Variants in MAPK10 observed in about 807,000 individuals in gnomAD.
The protein encoded by MAPK10 is JNK3 alpha protein kinase.
A neutral mutation model predicts 59.3 loss-of-function variants in MAPK10; 25 were observed. The observed-to-expected ratio is 0.42, with a 90% CI of 0.31 to 0.59. MAPK10 has a LOEUF of 0.59. MAPK10 is among the 20% of genes least tolerant of loss of function. The pLI is 0.15. For synonymous variants in MAPK10, 190 were observed against 200.5 expected, an observed-to-expected ratio of 0.95 and a Z score of 0.44; for missense variants, 351 against 568.9, an observed-to-expected ratio of 0.62 and a Z score of 3.90.
intron 1 of MAPK10, among the ~76,000 whole-genome samples, chr4:86,506,195 T>G (rs1427499555): frequency 6.6e-6 from 1 of 151,958 alleles, no homozygotes; most frequent in African/African-American, 2.4e-5. Context: ...AAGGGAAAAA[T>G]TAATTCTGAA....
At chr4:86,178,682 A>T (rs1179384313) in intron 3 of MAPK10, among the ~76,000 whole-genome samples, 1 of 152,158 alleles carries the variant, frequency 6.6e-6, no homozygotes, top group Non-Finnish European at 1.5e-5. Flanking sequence ...GAACTGGTCA[A>T]AGCAATTAGA....
intron 2 of MAPK10, among the ~76,000 whole-genome samples, chr4:86,343,564 C>A (rs7674849): frequency 0.72 from 109,691 of 152,064 alleles, 40,353 homozygotes; most frequent in South Asian, 0.9. Context: ...ACAACAGATA[C>A]TTTTTAGGAG....
At chr4:86,307,380 C>T (rs960473935) in intron 2 of MAPK10, among the ~76,000 whole-genome samples, 1 of 152,090 alleles carries the variant, frequency 6.6e-6, no homozygotes, top group Non-Finnish European at 1.5e-5. Context: ...TTACAAGGAA[C>T]TCATACATGT....
chr4:86,498,830 C>T (rs900300760), intron 1 of MAPK10, among the ~76,000 whole-genome samples: 2 of 152,058 alleles, frequency 1.3e-5, no homozygotes, highest in African/African-American at 2.4e-5. Context: ...TCCTTCAGAC[C>T]CTTGTTTATC....
At chr4:86,485,097 T>C (rs544876242) in intron 1 of MAPK10, among the ~76,000 whole-genome samples, 10 of 152,294 alleles carry the variant, frequency 6.6e-5, no homozygotes, top group Middle Eastern at 3.4e-3. Flanking sequence ...AAGAGGACTT[T>C]CTGGTTTTTG....
Position 86,367,998 on chromosome 4 carries a change from A to G in MAPK10, c.-121-13354T>C, listed in dbSNP as rs62307456. On this transcript the variant is annotated intron_variant, in intron 1 of 13. Coordinates refer to the MAPK10 transcript ENST00000361569. ...AAAACTATTAAAATTTCTCAATATT[A>G]CTTCTCAAATGCAGTTTTTAATTAA... Among the ~76,000 whole-genome samples the G allele has an allele frequency of 6.8e-3, 1,043 of 152,300 alleles. 2 individuals are homozygous for G. The highest frequency in any genetic ancestry group is 0.01 in the Non-Finnish European group (708 of 68,024).
chr4:86,388,585 A>C (rs1215931178), intron 1 of MAPK10, among the ~76,000 whole-genome samples: 1 of 152,140 alleles, frequency 6.6e-6, no homozygotes, highest in Non-Finnish European at 1.5e-5. Flanking sequence ...AGAAATCCTG[A>C]CCACTGGCTT....
At chr4:86,215,997 G>T (rs781464394) in intron 2 of MAPK10, among the ~76,000 whole-genome samples, 2 of 152,022 alleles carry the variant, frequency 1.3e-5, no homozygotes, top group Non-Finnish European at 2.9e-5. Flanking sequence ...GGAGAGATAT[G>T]AACCCTTGTG....
intron 3 of MAPK10, among the ~76,000 whole-genome samples, chr4:86,190,176 G>A (rs574421384): frequency 1.3e-5 from 2 of 152,182 alleles, no homozygotes; most frequent in East Asian, 3.9e-4. Context: ...TTTTTACATT[G>A]ATGTTCATCA....
intron 4 of MAPK10, among the ~76,000 whole-genome samples, chr4:86,150,968 G>A (rs2066300569): frequency 6.6e-6 from 1 of 152,074 alleles, no homozygotes. Context: ...AGAGAAAGAG[G>A]GGTTGTTTGA....
chr4:86,434,611 T>C (rs1748461407), intron 1 of MAPK10, among the ~76,000 whole-genome samples: 1 of 152,034 alleles, frequency 6.6e-6, no homozygotes, highest in Non-Finnish European at 1.5e-5. Context: ...CTCACACCAG[T>C]TAAAAGGCTT....
intron 12 of MAPK10, among the ~76,000 whole-genome samples, chr4:86,030,246 A>C (rs892666723): frequency 2.6e-5 from 4 of 152,038 alleles, no homozygotes; most frequent in Non-Finnish European, 4.4e-5. Flanking sequence ...TCATTTTTCC[A>C]TATTCACCAA....
At chr4:86,346,332 C>T (rs1728171879) in intron 2 of MAPK10, among the ~76,000 whole-genome samples, 1 of 152,164 alleles carries the variant, frequency 6.6e-6, no homozygotes, top group South Asian at 2.1e-4. Flanking sequence ...ATATAATTTA[C>T]ACACATCCTC....
At chr4:86,109,578 T>A (rs1430239306) in intron 4 of MAPK10, among the ~76,000 whole-genome samples, 2 of 152,246 alleles carry the variant, frequency 1.3e-5, no homozygotes, top group Non-Finnish European at 2.9e-5. Flanking sequence ...TTCCTTTTTA[T>A]GACTGCATAG....
intron 1 of MAPK10, among the ~76,000 whole-genome samples, chr4:86,413,394 A>G (rs1252785859): frequency 2.0e-5 from 3 of 152,130 alleles, no homozygotes; most frequent in Non-Finnish European, 2.9e-5. Context: ...AGTCTGTCCA[A>G]TCTTGGTGCT....
At chr4:86,289,660 T>C (rs973368512) in intron 2 of MAPK10, among the ~76,000 whole-genome samples, 1 of 150,208 alleles carries the variant, frequency 6.7e-6, no homozygotes, top group Admixed American at 6.7e-5. Context: ...TATGTTATAA[T>C]GCATTTTATA....
chr4:86,214,511 TAA>T (rs70948783), intron 2 of MAPK10, among the ~76,000 whole-genome samples: 162 of 75,940 alleles, frequency 2.1e-3, no homozygotes, highest in East Asian at 7.8e-3. Context: ...TAAGATTCCT[TAA>T]AAAAAAAAAA....
chr4:86,199,770 A>G (rs2082201353), intron 2 of MAPK10, among the ~76,000 whole-genome samples: 1 of 152,052 alleles, frequency 6.6e-6, no homozygotes. Context: ...AGGTCAAGTG[A>G]CACAAGGAAT....
At position 86,011,815 on chromosome 4, in the gene MAPK10, GCTTT is replaced by G. The variant is rs1741455970; in HGVS notation, c.*5409_*5412del. The G allele has an allele frequency of 6.6e-6, 1 of 152,028 alleles. No individual in the cohort carries two copies. The highest frequency in any genetic ancestry group is 1.5e-5 in the Non-Finnish European group (1 of 68,002). The allele number at this position is 152,028 out of a possible 1,614,324, so 9.4% of individuals were successfully genotyped here. Reference sequence around the variant, plus strand: ...AATAATGTGTATGTTTATCTTCCAGGCTTTCTAATAGTTAATTGGTTAAATAAAA... The same window carrying G: ...AATAATGTGTATGTTTATCTTCCAGGCTAATAGTTAATTGGTTAAATAAAA... On this transcript the variant is annotated 3_prime_UTR_variant, in exon 14 of 14. Coordinates refer to ENST00000641462, the MANE Select transcript of MAPK10 (RefSeq NM_138982.4).
Sources: allele counts gnomAD v4.1 joint callset (sites outside exome capture counted in the v4.1 genomes callset), GRCh38; gene constraint gnomAD v4.1.1; transcripts MANE v1.5; gene names NCBI Gene and HGNC (gene_info 2026-07-23, HGNC 2026-07-21).